Variants in NKAIN3 observed in about 807,000 individuals in gnomAD.
NKAIN3 encodes the protein sodium/potassium-transporting ATPase subunit beta-1-interacting protein 3.
NKAIN3 carries 25 observed loss-of-function variants against 30.2 expected under a neutral mutation model. The observed-to-expected ratio is 0.83, with a 90% confidence interval of 0.60 to 1.16. The LOEUF (loss-of-function observed/expected upper bound fraction) is 1.16, where lower values mean the gene tolerates loss of function less well. Among genes scored for constraint, NKAIN3 ranks in the 50% most tolerant of loss-of-function variants. NKAIN3 has a pLI of 0.00. For missense variants in NKAIN3, 225 were observed against 254.1 expected (o/e 0.89, Z 0.78); for synonymous variants, 91 against 89.6 (o/e 1.02, Z -0.09).
chr8:62,650,731 G>A (rs945490247), intron 3 of NKAIN3, among the ~76,000 whole-genome samples: 1 of 152,106 alleles, frequency 6.6e-6, no homozygotes, highest in Admixed American at 6.6e-5. Context: ...CTCTCAGGTA[G>A]ACCACAGGCT....
At chr8:62,485,255 A>G (rs1309880808) in intron 1 of NKAIN3, among the ~76,000 whole-genome samples, 1 of 152,194 alleles carries the variant, frequency 6.6e-6, no homozygotes, top group Non-Finnish European at 1.5e-5. Context: ...CCATGGGTCA[A>G]CTGTGAGGTA....
chr8:62,433,396 A>T (rs1034700405), intron 1 of NKAIN3, among the ~76,000 whole-genome samples: 2 of 152,184 alleles, frequency 1.3e-5, no homozygotes, highest in Admixed American at 1.3e-4. Flanking sequence ...TATTAGTAAA[A>T]TAAAAATACA....
chr8:62,513,335 A>T (rs10458307), intron 1 of NKAIN3, among the ~76,000 whole-genome samples: 32,898 of 151,280 alleles, frequency 0.22, 3,676 homozygotes, highest in South Asian at 0.32. Flanking sequence ...AAATAGACCC[A>T]GTTGCTGCTC....
chr8:62,359,204 C>T (rs1265516480), intron 1 of NKAIN3, among the ~76,000 whole-genome samples: 1 of 152,026 alleles, frequency 6.6e-6, no homozygotes, highest in East Asian at 1.9e-4. Context: ...TTACTAGTTC[C>T]CATCTACTTT....
chr8:62,402,871 A>G (rs575094811), intron 1 of NKAIN3, among the ~76,000 whole-genome samples: 10 of 152,306 alleles, frequency 6.6e-5, no homozygotes, highest in Non-Finnish European at 1.0e-4. Flanking sequence ...TAACAGGCAG[A>G]GGTTGGAACA....
At position 62,965,766 on chromosome 8, in the gene NKAIN3, T is replaced by C. The variant is rs1823695488; in HGVS notation, c.*359T>C. ...ATCTCAGTGTGTGCTGTGGAGATGT[T>C]AAGTCAGCACTGCTGACTGTTGAAG... On this transcript the variant is annotated 3_prime_UTR_variant, in exon 7 of 7. Coordinates refer to ENST00000623646, the MANE Select transcript of NKAIN3 (RefSeq NM_001304533.3). The C allele has an allele frequency of 2.0e-6, 2 of 984,548 alleles. No homozygotes were observed. The highest frequency in any genetic ancestry group is 4.7e-5 in the South Asian group (1 of 21,274). The allele number at this position is 984,548 out of a possible 1,614,324, so 61.0% of individuals were successfully genotyped here. A position where few individuals can be genotyped will look rare whatever the true frequency, so the allele number is the denominator to read the frequency against.
chr8:62,785,220 A>G (rs973310522), intron 4 of NKAIN3, among the ~76,000 whole-genome samples: 1 of 152,178 alleles, frequency 6.6e-6, no homozygotes, highest in Admixed American at 6.5e-5. Context: ...ATTAATTTTC[A>G]TACAATGAAA....
intron 4 of NKAIN3, among the ~76,000 whole-genome samples, chr8:62,904,056 A>C (rs1728795268): frequency 6.6e-6 from 1 of 152,202 alleles, no homozygotes; most frequent in South Asian, 2.1e-4. Context: ...CCCTTGGACA[A>C]AGCTGAGCCC....
At position 62,898,526 on chromosome 8, in the gene NKAIN3, C is replaced by T. The variant is rs561904404; in HGVS notation, c.472-19927C>T. On this transcript the variant is annotated intron_variant, in intron 4 of 6. Coordinates refer to ENST00000623646, the MANE Select transcript of NKAIN3 (RefSeq NM_001304533.3). ...TAAGCTATGGGTACACGAAGGGATA[C>T]AGAGTGGTATAGTGGATATTGGAGA... Among the ~76,000 whole-genome samples, 30 of 152,148 alleles carry T rather than the reference C, an allele frequency of 2.0e-4. No homozygotes were observed. In the East Asian group the frequency reaches 5.2e-3, roughly 27 times the overall value.
At chr8:62,729,051 A>AAAAAAAAAAAAAAAAAAAAC (rs1815381968) in intron 3 of NKAIN3, among the ~76,000 whole-genome samples, 1 of 143,946 alleles carries the variant, frequency 6.9e-6, no homozygotes, top group African/African-American at 2.5e-5. Context: ...AAAAAAAAAA[A>AAAAAAAAAAAAAAAAAAAAC]ACCTCCTGCT....
At chr8:62,546,191 C>A (rs747181128) in intron 1 of NKAIN3, among the ~76,000 whole-genome samples, 1 of 152,110 alleles carries the variant, frequency 6.6e-6, no homozygotes, top group South Asian at 2.1e-4. Context: ...TAGGTTAATG[C>A]GTTCCTTGTG....
At chr8:62,788,108 G>A (rs1207908196) in intron 4 of NKAIN3, among the ~76,000 whole-genome samples, 12 of 152,204 alleles carry the variant, frequency 7.9e-5, no homozygotes, top group Admixed American at 2.0e-4. Context: ...CTGAGGAATC[G>A]CCACACCGAC....
chr8:62,958,781 C>T lies in NKAIN3; in HGVS notation c.603+4809C>T, dbSNP rs185601412. Among the ~76,000 whole-genome samples, 310 of 152,188 alleles carry T rather than the reference C, an allele frequency of 2.0e-3. 2 individuals are homozygous for T. Among genetic ancestry groups the T allele is most frequent in the Non-Finnish European group, 2.3e-3 (158 of 68,010 alleles). On this transcript the variant is annotated intron_variant, in intron 6 of 6. Transcript: ENST00000623646. ...ATCCAAATGGTTAGCAACTGAGTACCGGGAAGATTAAGCTCCATGTAGCAG... is the reference window on the plus strand; with the variant it reads ...ATCCAAATGGTTAGCAACTGAGTACTGGGAAGATTAAGCTCCATGTAGCAG...
At chr8:62,811,412 T>C (rs4641058) in intron 4 of NKAIN3, among the ~76,000 whole-genome samples, 14,037 of 152,170 alleles carry the variant, frequency 0.092, 662 homozygotes, top group African/African-American at 0.1. Context: ...GATACTATGG[T>C]ATTTGCATAT....
intron 3 of NKAIN3, among the ~76,000 whole-genome samples, chr8:62,704,044 C>T (rs11988844): frequency 0.056 from 8,566 of 152,098 alleles, 468 homozygotes; most frequent in African/African-American, 0.14. Context: ...TGTCAACTTA[C>T]GATAATTGAT....
intron 1 of NKAIN3, among the ~76,000 whole-genome samples, chr8:62,252,643 G>A (rs960052450): frequency 2.6e-5 from 4 of 152,270 alleles, no homozygotes; most frequent in African/African-American, 9.6e-5. Context: ...AAAGTGAAAA[G>A]TATGAATACA....
At chr8:62,569,699 C>T (rs947955771) in intron 1 of NKAIN3, among the ~76,000 whole-genome samples, 10 of 151,780 alleles carry the variant, frequency 6.6e-5, no homozygotes, top group Non-Finnish European at 1.5e-4. Flanking sequence ...TCACTTAAAC[C>T]TGGGAGGCAG....
chr8:62,460,652 A>C, intron 1 of NKAIN3, among the ~76,000 whole-genome samples: 1 of 152,158 alleles, frequency 6.6e-6, no homozygotes, highest in East Asian at 1.9e-4. Context: ...CCTGGCAAGC[A>C]TCAGAGAGGG....
chr8:62,478,006 C>A (rs1196423919), intron 1 of NKAIN3, among the ~76,000 whole-genome samples: 1 of 152,160 alleles, frequency 6.6e-6, no homozygotes, highest in East Asian at 1.9e-4. Flanking sequence ...AAGCTCACTT[C>A]CGTCTGTTCT....
Sources: allele counts gnomAD v4.1 joint callset (sites outside exome capture counted in the v4.1 genomes callset), GRCh38; gene constraint gnomAD v4.1.1; transcripts MANE v1.5; gene names NCBI Gene and HGNC (gene_info 2026-07-23, HGNC 2026-07-21).